The following SYNM variants were observed in gnomAD, a reference collection of about 807,000 sequenced individuals.
The protein encoded by SYNM is desmuslin.
A neutral mutation model predicts 104.0 loss-of-function variants in SYNM; 95 were observed. The observed-to-expected ratio is 0.91, with a 90% CI of 0.77 to 1.08. The LOEUF (loss-of-function observed/expected upper bound fraction) is 1.08, where lower values mean the gene tolerates loss of function less well. Ranked by LOEUF, SYNM falls within the 50% of genes least tolerant of loss-of-function variation. The pLI is 0.00. For synonymous variants in SYNM, 918 were observed against 869.0 expected (o/e 1.06, Z -0.99); for missense variants, 2,150 against 2,052.2 (o/e 1.05, Z -0.92).
downstream of SYNM, chr15:99,139,432 T>C (rs1567302027): frequency 4.3e-6 from 7 of 1,613,928 alleles, no homozygotes; most frequent in East Asian, 2.2e-5. Flanking sequence ...CATGAGGCTA[T>C]GGAAGTGTCG....
chr15:99,139,842 T>C (rs1350629233), downstream of SYNM: 4 of 982,650 alleles, frequency 4.1e-6, no homozygotes, highest in East Asian at 1.8e-4. Flanking sequence ...TACACAGCAA[T>C]GTCTTAGTTA....
intron 2 of SYNM, among the ~76,000 whole-genome samples, chr15:99,114,015 T>C (rs1481495263): frequency 2.6e-5 from 3 of 116,930 alleles, no homozygotes; most frequent in Non-Finnish European, 5.8e-5. Flanking sequence ...ACGTGTTGGA[T>C]CCTAGGAACT....
chr15:99,109,670 G>A (rs570801944), intron 1 of SYNM, among the ~76,000 whole-genome samples: 4 of 152,302 alleles, frequency 2.6e-5, no homozygotes, highest in East Asian at 3.9e-4. Flanking sequence ...TGGTTCATTC[G>A]TTCAGCTAAC....
chr15:99,114,171 T>C (rs1770439603), intron 2 of SYNM, among the ~76,000 whole-genome samples: 1 of 152,190 alleles, frequency 6.6e-6, no homozygotes, highest in African/African-American at 2.4e-5. Context: ...GAGGTTTAAT[T>C]GACTCACAGT....
At chr15:99,108,166 G>A (rs1397204051) in intron 1 of SYNM, among the ~76,000 whole-genome samples, 2 of 151,986 alleles carry the variant, frequency 1.3e-5, no homozygotes, top group East Asian at 1.9e-4. Flanking sequence ...GTAGATACAG[G>A]GTTTCACCAT....
At chr15:99,138,088 T>TA, downstream of SYNM, 1 of 1,613,380 alleles carries the variant, frequency 6.2e-7, no homozygotes, top group Admixed American at 1.7e-5. Flanking sequence ...CCACTTTGGC[T>TA]TTTGATGCCT....
At chr15:99,106,066 C>T (rs2067239203) in intron 1 of SYNM, 57 bp downstream of exon 1, 5 of 1,351,068 alleles carry the variant, frequency 3.7e-6, no homozygotes, top group South Asian at 1.8e-5. Flanking sequence ...CCCCAGCACC[C>T]TGCCCTTGAC....
chr15:99,109,638 T>C (rs1394035414), intron 1 of SYNM, among the ~76,000 whole-genome samples: 1 of 152,188 alleles, frequency 6.6e-6, no homozygotes, highest in African/African-American at 2.4e-5. Context: ...GTACTGGAAG[T>C]AGCTCCCAGG....
intron 2 of SYNM, among the ~76,000 whole-genome samples, chr15:99,119,394 G>A (rs2067379243): frequency 6.6e-6 from 1 of 152,212 alleles, no homozygotes; most frequent in Non-Finnish European, 1.5e-5. Flanking sequence ...AAAATCCCAG[G>A]TGATTCGTGC....
At chr15:99,139,421 T>A (rs1567301963), downstream of SYNM, 2 of 1,614,068 alleles carry the variant, frequency 1.2e-6, no homozygotes, top group Non-Finnish European at 1.7e-6. Context: ...CAAGCAGCTA[T>A]CATGAGGCTA....
intron 2 of SYNM, among the ~76,000 whole-genome samples, chr15:99,118,549 C>T (rs914230027): frequency 6.6e-6 from 1 of 152,182 alleles, no homozygotes; most frequent in African/African-American, 2.4e-5. Context: ...GTCCCAAGGA[C>T]TCTCAAATGT....
At chr15:99,115,464 A>ATTTTTTTT (rs2067339355) in intron 2 of SYNM, among the ~76,000 whole-genome samples, 1 of 99,784 alleles carries the variant, frequency 1.0e-5, no homozygotes, top group African/African-American at 4.2e-5. Flanking sequence ...TATTTATTTT[A>ATTTTTTTT]TTCTATTTTT....
chr15:99,127,408 A>C (rs780988866), intron 3 of SYNM, among the ~76,000 whole-genome samples: 4 of 152,210 alleles, frequency 2.6e-5, no homozygotes, highest in Non-Finnish European at 5.9e-5. Context: ...GATCCTAAGA[A>C]ACTGAGGGAT....
intron 2 of SYNM, among the ~76,000 whole-genome samples, chr15:99,115,929 C>G (rs943780575): frequency 6.6e-6 from 1 of 152,264 alleles, no homozygotes; most frequent in Non-Finnish European, 1.5e-5. Flanking sequence ...TCATCTGAGC[C>G]CTCACTCCCA....
intron 1 of SYNM, among the ~76,000 whole-genome samples, chr15:99,109,539 C>T (rs1438906440): frequency 1.3e-5 from 2 of 152,148 alleles, no homozygotes; most frequent in Admixed American, 6.5e-5. Context: ...AGCTGTCCTA[C>T]CTGGCCCTGA....
intron 2 of SYNM, among the ~76,000 whole-genome samples, chr15:99,119,733 A>C (rs2067382625): frequency 6.6e-6 from 1 of 152,212 alleles, no homozygotes; most frequent in African/African-American, 2.4e-5. Flanking sequence ...CATTCCTCTT[A>C]AGTCTTGTTT....
chr15:99,132,565 G>C lies in SYNM; in HGVS notation c.4205G>C (p.Arg1402Thr), dbSNP rs782581607. The C allele has an allele frequency of 6.2e-7, 1 of 1,614,024 alleles. No homozygotes were observed. ...EMTSGVSRSF[R>T]HIRLGPTETE... ...ACATCGGGTGTTAGCAGATCCTTTA[G>C]GCACATTCGACTAGGTCCTACAGAA... The change falls in exon 4 of 4, where the codon AGG becomes ACG. Residue 1402 changes from arginine to threonine, a missense_variant. Transcript: ENST00000336292.
chr15:99,141,655 C>T, the SYNM span, among the ~76,000 whole-genome samples: 2 of 152,294 alleles, frequency 1.3e-5, no homozygotes, highest in East Asian at 3.9e-4. Context: ...CCTGTTTATT[C>T]ATTCTGATCT....
At chr15:99,138,317 T>A (rs1191433523), downstream of SYNM, among the ~76,000 whole-genome samples, 2 of 151,968 alleles carry the variant, frequency 1.3e-5, no homozygotes, top group African/African-American at 2.4e-5. Context: ...TTTATTTTTT[T>A]AATTTTTTTT....
Sources: gnomAD v4.1 joint callset for allele counts (sites outside exome capture counted in the v4.1 genomes callset) on GRCh38, gnomAD v4.1.1 for gene constraint, MANE v1.5 for transcripts, NCBI Gene and HGNC (gene_info 2026-07-23, HGNC 2026-07-21) for gene names.